Variants in LNPK observed in about 807,000 individuals in gnomAD.
LNPK encodes endoplasmic reticulum junction formation protein lunapark.
A neutral mutation model predicts 55.2 loss-of-function variants in LNPK; 29 were observed. The observed-to-expected ratio is 0.53, with a 90% CI of 0.39 to 0.72. The LOEUF is 0.72. Among genes scored for constraint, LNPK ranks in the 30% least tolerant of loss-of-function variants. LNPK has a pLI of 0.00. For missense variants in LNPK, 467 were observed against 494.8 expected, an observed-to-expected ratio of 0.94 and a Z score of 0.53; for synonymous variants, 162 against 168.2, an observed-to-expected ratio of 0.96 and a Z score of 0.29.
intron 4 of LNPK, among the ~76,000 whole-genome samples, chr2:175,986,834 C>A (rs558894351): frequency 6.6e-6 from 1 of 151,696 alleles, no homozygotes; most frequent in Admixed American, 6.6e-5. Context: ...GAATAATGCC[C>A]AATGGTGAAA....
chr2:175,977,598 G>A (rs1442434454), intron 5 of LNPK, among the ~76,000 whole-genome samples: 2 of 152,140 alleles, frequency 1.3e-5, no homozygotes, highest in East Asian at 3.9e-4. Context: ...GCTATTAAGA[G>A]ATCAAGCTGT....
intron 1 of LNPK, among the ~76,000 whole-genome samples, chr2:175,996,902 C>G (rs1397283972): frequency 6.6e-6 from 1 of 152,162 alleles, no homozygotes; most frequent in East Asian, 1.9e-4. Context: ...AGTATAATTT[C>G]AAACTGACAT....
chr2:175,945,850 A>T (rs1685099842), intron 9 of LNPK, among the ~76,000 whole-genome samples: 1 of 152,208 alleles, frequency 6.6e-6, no homozygotes, highest in East Asian at 1.9e-4. Context: ...ACAAACATCA[A>T]AAGCAATCAT....
intron 8 of LNPK, among the ~76,000 whole-genome samples, chr2:175,951,401 A>T (rs901532897): frequency 6.6e-6 from 1 of 151,422 alleles, no homozygotes; most frequent in Non-Finnish European, 1.5e-5. Context: ...CCCAAAGTCC[A>T]TTGTGTCATT....
intron 9 of LNPK, among the ~76,000 whole-genome samples, chr2:175,942,041 G>T (rs1042750049): frequency 5.9e-5 from 9 of 151,758 alleles, no homozygotes; most frequent in South Asian, 4.2e-4. Context: ...AAAACTGAAA[G>T]AATTCATCAC....
At position 176,002,256 on chromosome 2, in the gene LNPK, TGACA is replaced by T; in HGVS notation, c.-163_-160del. The T allele has an allele frequency of 2.2e-6, 1 of 450,280 alleles. No individual in the cohort carries two copies. The highest frequency in any genetic ancestry group is 4.4e-6 in the Non-Finnish European group (1 of 225,132). The allele number at this position is 450,280 out of a possible 1,614,324, so 27.9% of individuals were successfully genotyped here. A position where few individuals can be genotyped will look rare whatever the true frequency, so the allele number is the denominator to read the frequency against. ...CTCCAGAGCAGGCAGCAGCCGCCAC[TGACA>T]GAGAGACAAGCCGGGCCAACTCCTT... On this transcript the variant is annotated 5_prime_UTR_variant, in exon 1 of 13. Coordinates refer to ENST00000272748, the MANE Select transcript of LNPK (RefSeq NM_030650.3).
chr2:175,941,015 A>C (rs1413690761), intron 9 of LNPK: 1 of 453,622 alleles, frequency 2.2e-6, no homozygotes, highest in East Asian at 7.1e-5. Flanking sequence ...TGAGAGGTCG[A>C]GGTAGACAGA....
chr2:175,994,194 GA>G (rs1687830945), intron 2 of LNPK: 1 of 981,660 alleles, frequency 1.0e-6, no homozygotes, highest in African/African-American at 1.7e-5. Flanking sequence ...GTTTCCATAA[GA>G]GTTGTTAACA....
At chr2:175,963,567 G>A (rs193227478) in intron 8 of LNPK, among the ~76,000 whole-genome samples, 81 of 152,114 alleles carry the variant, frequency 5.3e-4, no homozygotes, top group Middle Eastern at 3.4e-3. Context: ...GGGTGGTGGC[G>A]GGGGAGGGAT....
chr2:175,982,861 C>A (rs1171887755), intron 4 of LNPK, among the ~76,000 whole-genome samples: 1 of 152,126 alleles, frequency 6.6e-6, no homozygotes, highest in Non-Finnish European at 1.5e-5. Flanking sequence ...TTATTACTAA[C>A]CTCTAGTTAG....
intron 4 of LNPK, among the ~76,000 whole-genome samples, chr2:175,982,185 A>T (rs545120243): frequency 2.3e-5 from 3 of 130,808 alleles, no homozygotes; most frequent in African/African-American, 9.3e-5. Flanking sequence ...ACCCACTGAA[A>T]TAGTAGCAGG....
At position 175,938,392 on chromosome 2, in the gene LNPK, T is replaced by C. The variant is rs752065590; in HGVS notation, c.813-9A>G. Reference sequence around the variant, plus strand: ...GACATATAAGTGCATACCTACACCGTAAGGAAAAATGAACAGACCAGTTAC... The same window carrying C: ...GACATATAAGTGCATACCTACACCGCAAGGAAAAATGAACAGACCAGTTAC... On this transcript the variant is annotated splice_polypyrimidine_tract_variant and intron_variant, in intron 10 of 12. Transcript: ENST00000272748. 6.5e-7 allele frequency: 1 copy of C among 1,542,328 alleles called. No individual in the cohort carries two copies. The highest frequency in any genetic ancestry group is 8.9e-7 in the Non-Finnish European group (1 of 1,128,598).
intron 4 of LNPK, among the ~76,000 whole-genome samples, chr2:175,987,769 C>A (rs532053635): frequency 6.6e-6 from 1 of 151,786 alleles, no homozygotes; most frequent in South Asian, 2.1e-4. Flanking sequence ...TTGTTCTTTT[C>A]TGAATGAAAT....
chr2:175,979,930 T>C (rs979081912), intron 4 of LNPK, 62 bp from the exon 5 acceptor site: 2 of 1,423,472 alleles, frequency 1.4e-6, no homozygotes, highest in African/African-American at 2.9e-5. Flanking sequence ...TTAGAAGCCA[T>C]GTAAAATGAA....
At chr2:176,002,639 G>A (rs1688214474), upstream of LNPK, 1 of 179,070 alleles carries the variant, frequency 5.6e-6, no homozygotes, top group Non-Finnish European at 1.2e-5. Flanking sequence ...CAAAGGTTGG[G>A]GAGTTGAGAA....
At position 175,927,438 on chromosome 2, in the gene LNPK, G is replaced by C. The variant is rs1444270980; in HGVS notation, c.*2529C>G. The C allele has an allele frequency of 1.3e-5, 2 of 152,228 alleles. No homozygotes were observed. Among genetic ancestry groups the C allele is most frequent in the African/African-American group, 2.4e-5 (1 of 41,448 alleles). The allele number at this position is 152,228 out of a possible 1,614,324, so 9.4% of individuals were successfully genotyped here. On this transcript the variant is annotated 3_prime_UTR_variant, in exon 13 of 13. Coordinates refer to ENST00000272748, the MANE Select transcript of LNPK (RefSeq NM_030650.3). ...GAGAGTGACATGATAGGGAGTAAAA[G>C]GCAGAGGCCAGCTTCAGATGGGGAG...
At chr2:175,940,811 AT>A (rs1684800124) in intron 9 of LNPK, among the ~76,000 whole-genome samples, 1 of 152,212 alleles carries the variant, frequency 6.6e-6, no homozygotes, top group South Asian at 2.1e-4. Flanking sequence ...ACATAAAAAA[AT>A]GTAAAACTTA....
intron 6 of LNPK, among the ~76,000 whole-genome samples, chr2:175,970,114 A>G (rs188542309): frequency 6.6e-6 from 1 of 152,322 alleles, no homozygotes; most frequent in Non-Finnish European, 1.5e-5. Context: ...TCATTAAAAA[A>G]TTAGTAGCTC....
At chr2:175,974,339 A>T (rs1452674049) in intron 5 of LNPK, among the ~76,000 whole-genome samples, 1 of 152,218 alleles carries the variant, frequency 6.6e-6, no homozygotes, top group Non-Finnish European at 1.5e-5. Flanking sequence ...ACAAAAATAC[A>T]CATGGCACTT....
Sources: allele counts gnomAD v4.1 joint callset (sites outside exome capture counted in the v4.1 genomes callset), GRCh38; gene constraint gnomAD v4.1.1; transcripts MANE v1.5; gene names NCBI Gene and HGNC (gene_info 2026-07-23, HGNC 2026-07-21).